The following ARMH4 variants were observed in gnomAD, a reference collection of about 807,000 sequenced individuals.
The protein encoded by ARMH4 is armadillo-like helical domain-containing protein 4.
A neutral mutation model predicts 61.9 loss-of-function variants in ARMH4; 49 were observed. The observed-to-expected ratio is 0.79, with a 90% confidence interval of 0.63 to 1.00. ARMH4 has a LOEUF of 1.00. Ranked by LOEUF, ARMH4 falls within the 50% of genes least tolerant of loss-of-function variation. The pLI is 0.00. For synonymous variants in ARMH4, 368 were observed against 341.5 expected, an observed-to-expected ratio of 1.08 and a Z score of -0.85; for missense variants, 934 against 930.0, an observed-to-expected ratio of 1.00 and a Z score of -0.06.
chr14:58,070,974 TTC>T (rs1257757694), intron 5 of ARMH4, among the ~76,000 whole-genome samples: 1 of 152,112 alleles, frequency 6.6e-6, no homozygotes, highest in African/African-American at 2.4e-5. Flanking sequence ...ATGTTTGTCT[TTC>T]TGTTATTTTG....
chr14:58,140,938 GC>G (rs981873040), intron 1 of ARMH4, among the ~76,000 whole-genome samples: 1 of 151,926 alleles, frequency 6.6e-6, no homozygotes, highest in African/African-American at 2.4e-5. Context: ...GAGCTCCCTG[GC>G]CCCTTCCACC....
At chr14:58,085,661 G>A (rs1885355197) in intron 5 of ARMH4, among the ~76,000 whole-genome samples, 1 of 152,054 alleles carries the variant, frequency 6.6e-6, no homozygotes, top group Non-Finnish European at 1.5e-5. Flanking sequence ...ATTTAATTAT[G>A]AAAATACAGA....
chr14:58,013,728 A>G, intron 5 of ARMH4, among the ~76,000 whole-genome samples: 1 of 152,130 alleles, frequency 6.6e-6, no homozygotes, highest in East Asian at 1.9e-4. Flanking sequence ...AGACTTGCTC[A>G]TGGTTAACCA....
intron 5 of ARMH4, among the ~76,000 whole-genome samples, chr14:58,045,588 G>C (rs1451236539): frequency 6.6e-6 from 1 of 151,114 alleles, no homozygotes; most frequent in African/African-American, 2.4e-5. Flanking sequence ...TTCTGCACAT[G>C]TACCCTAGAA....
intron 5 of ARMH4, among the ~76,000 whole-genome samples, chr14:58,078,837 G>A (rs1358066052): frequency 1.3e-5 from 2 of 152,238 alleles, no homozygotes; most frequent in African/African-American, 2.4e-5. Flanking sequence ...CCTGGCCTAA[G>A]CCAATGGGAC....
In ARMH4 at chr14:58,002,612, C is replaced by T. The variant is rs777889642; in HGVS notation, c.*2124G>A. 8.5e-5 allele frequency: 13 copies of T among 152,212 alleles called. No individual in the cohort carries two copies. Among genetic ancestry groups the T allele is most frequent in the Admixed American group, 1.3e-4 (2 of 15,280 alleles). 9.4% of individuals were successfully genotyped at this position (152,212 alleles called of 1,614,324 possible). ...ATGTGCTACTCAGTTAAGTGGCCTA[C>T]GACGTATTCTCAACAAATAGTTTGT... On this transcript the variant is annotated 3_prime_UTR_variant, in exon 8 of 8. Transcript: ENST00000267485.
intron 5 of ARMH4, among the ~76,000 whole-genome samples, chr14:58,052,278 A>G (rs1458758468): frequency 1.3e-5 from 2 of 152,062 alleles, no homozygotes; most frequent in Non-Finnish European, 2.9e-5. Context: ...TTATTATACC[A>G]GCTACCATTT....
At chr14:58,086,015 G>C (rs1031108010) in intron 5 of ARMH4, among the ~76,000 whole-genome samples, 5 of 152,206 alleles carry the variant, frequency 3.3e-5, no homozygotes, top group Non-Finnish European at 7.4e-5. Flanking sequence ...GTGGCAGAGA[G>C]AATCAGGTTT....
At chr14:58,143,596 T>C (rs140907355) in intron 1 of ARMH4, among the ~76,000 whole-genome samples, 1,681 of 151,948 alleles carry the variant, frequency 0.011, 29 homozygotes, top group African/African-American at 0.039. Flanking sequence ...CCCAAATAGG[T>C]GGGATTACAG....
chr14:58,027,843 A>C (rs1883077097), intron 5 of ARMH4, among the ~76,000 whole-genome samples: 1 of 152,232 alleles, frequency 6.6e-6, no homozygotes, highest in Admixed American at 6.5e-5. Context: ...TTAAATATGT[A>C]CAGCTTCTTA....
intron 5 of ARMH4, among the ~76,000 whole-genome samples, chr14:58,021,991 C>T (rs2141148854): frequency 6.6e-6 from 1 of 152,180 alleles, no homozygotes. Context: ...ATAACAATAC[C>T]ACAAACATAG....
chr14:58,139,330 CA>C lies in ARMH4; in HGVS notation c.28del (p.Cys10ValfsTer22). ...AAGCAGAAGGCTACAGAAAGCCAGA[CA>C]AATGTGCAATACAATCGGTCCTCTC... Reference protein sequence around the residue: MRGPIVLHICLAFCSLLLFS... With the variant: MRGPIVLHIXLAFCSLLLFS... On this transcript the variant is annotated frameshift_variant, in exon 2 of 8. Transcript: ENST00000267485. LOFTEE classifies it high-confidence loss of function. The C allele has an allele frequency of 6.2e-7, 1 of 1,614,118 alleles. No homozygotes were observed. Among genetic ancestry groups the C allele is most frequent in the Non-Finnish European group, 8.5e-7 (1 of 1,180,026 alleles).
chr14:58,004,843 C>T, intron 7 of ARMH4, 39 bp from the exon 8 acceptor site: 1 of 1,583,162 alleles, frequency 6.3e-7, no homozygotes, highest in Non-Finnish European at 8.7e-7. Context: ...ACTCTTTCTG[C>T]CACAGAGCAA....
chr14:58,025,501 A>C (rs1178880826), intron 5 of ARMH4, among the ~76,000 whole-genome samples: 1 of 152,182 alleles, frequency 6.6e-6, no homozygotes, highest in East Asian at 1.9e-4. Context: ...GAAATATTAG[A>C]GCATAGTCCT....
At chr14:58,108,859 C>G (rs1001016097) in intron 4 of ARMH4, among the ~76,000 whole-genome samples, 1 of 152,214 alleles carries the variant, frequency 6.6e-6, no homozygotes, top group African/African-American at 2.4e-5. Context: ...TTGGCACTGT[C>G]AAACATTTCT....
intron 4 of ARMH4, among the ~76,000 whole-genome samples, chr14:58,116,983 G>A (rs1025569331): frequency 2.0e-5 from 3 of 152,004 alleles, no homozygotes; most frequent in African/African-American, 4.8e-5. Flanking sequence ...ACAGAGTTTC[G>A]CTCTGTCACC....
At chr14:58,029,452 T>G (rs1883146273) in intron 5 of ARMH4, among the ~76,000 whole-genome samples, 1 of 152,156 alleles carries the variant, frequency 6.6e-6, no homozygotes, top group Non-Finnish European at 1.5e-5. Context: ...CAGGCTGGTC[T>G]CGAACTCCTG....
intron 6 of ARMH4, among the ~76,000 whole-genome samples, chr14:58,010,052 CAG>C (rs1351858478): frequency 6.6e-6 from 1 of 152,122 alleles, no homozygotes; most frequent in East Asian, 1.9e-4. Flanking sequence ...GCTAACCTGA[CAG>C]AGTGTCCTGG....
intron 1 of ARMH4, among the ~76,000 whole-genome samples, chr14:58,147,326 T>C (rs1259262242): frequency 1.3e-5 from 2 of 151,740 alleles, no homozygotes; most frequent in Non-Finnish European, 2.9e-5. Context: ...GTTTTTTTTT[T>C]TTTTTTTGAT....
Sources: gnomAD v4.1 joint callset for allele counts (sites outside exome capture counted in the v4.1 genomes callset) on GRCh38, gnomAD v4.1.1 for gene constraint, MANE v1.5 for transcripts, NCBI Gene and HGNC (gene_info 2026-07-23, HGNC 2026-07-21) for gene names.